CDK14: variants seen among roughly 807,000 people sequenced by gnomAD.
CDK14 encodes the protein cyclin dependent kinase 14.
In CDK14, 34 loss-of-function variants were observed where a neutral mutation model predicts 60.7. That is an observed-to-expected ratio of 0.56 (90% CI 0.43 to 0.75). The LOEUF is 0.75. CDK14 is among the 30% of genes least tolerant of loss of function. CDK14 has a pLI of 0.00. For missense variants in CDK14, 482 were observed against 564.1 expected (o/e 0.85, Z 1.47); for synonymous variants, 197 against 203.7 (o/e 0.97, Z 0.28).
Position 91,091,115 on chromosome 7 carries a change from G to A in CDK14, c.1154+11635G>A, listed in dbSNP as rs181315133. 7.3e-4 allele frequency among the ~76,000 whole-genome samples: 110 copies of A among 151,186 alleles called. No homozygotes were observed. In the East Asian group the frequency reaches 0.016, roughly 22 times the overall value. On this transcript the variant is annotated intron_variant, in intron 12 of 14. Transcript: ENST00000380050. ...ATATTATTTTGAAAATGTTCTTGTC[G>A]CCAGGTGTGGTGGCTTAAGCCTGTA...
At chr7:90,690,939 A>C (rs1250227945) in intron 2 of CDK14, among the ~76,000 whole-genome samples, 1 of 152,152 alleles carries the variant, frequency 6.6e-6, no homozygotes, top group Non-Finnish European at 1.5e-5. Context: ...CAGAATAAAC[A>C]ATGATAAGTT....
intron 2 of CDK14, among the ~76,000 whole-genome samples, chr7:90,655,540 A>G (rs1563032786): frequency 6.6e-6 from 1 of 152,244 alleles, no homozygotes; most frequent in Non-Finnish European, 1.5e-5. Context: ...ATACTTAAGT[A>G]TGATCTGAGA....
chr7:90,691,603 T>C (rs915812872), intron 2 of CDK14, among the ~76,000 whole-genome samples: 1 of 152,072 alleles, frequency 6.6e-6, no homozygotes, highest in Non-Finnish European at 1.5e-5. Flanking sequence ...TGGGAAACCA[T>C]TGGAAGTTTT....
At chr7:91,093,530 C>G (rs1289608928) in intron 12 of CDK14, among the ~76,000 whole-genome samples, 1 of 152,108 alleles carries the variant, frequency 6.6e-6, no homozygotes, top group Non-Finnish European at 1.5e-5. Flanking sequence ...GATTCTGAAG[C>G]ATATCTATCA....
In CDK14 at chr7:90,997,565, G is replaced by A. The variant is rs1795719998; in HGVS notation, c.1041+13324G>A. On this transcript the variant is annotated intron_variant, in intron 10 of 14. Coordinates refer to ENST00000380050, the MANE Select transcript of CDK14 (RefSeq NM_001287135.2). Reference sequence around the variant, plus strand: ...AGATAACATTTAACATTCAGATGCAGAGTTCATTTCCTTGAAGCTCAAGAG... The same window carrying A: ...AGATAACATTTAACATTCAGATGCAAAGTTCATTTCCTTGAAGCTCAAGAG... 2.0e-5 allele frequency among the ~76,000 whole-genome samples: 3 copies of A among 152,224 alleles called. No individual in the cohort carries two copies. In the South Asian group the frequency reaches 6.2e-4, roughly 32 times the overall value.
chr7:90,677,166 C>T (rs1230306268), intron 2 of CDK14, among the ~76,000 whole-genome samples: 1 of 152,094 alleles, frequency 6.6e-6, no homozygotes, highest in Non-Finnish European at 1.5e-5. Flanking sequence ...ATTACAAGTG[C>T]TTAGACAAAT....
rs181092716 is a variant in CDK14, at chr7:91,081,982, T to C, written c.1154+2502T>C. On this transcript the variant is annotated intron_variant, in intron 12 of 14. Transcript: ENST00000380050. ...GGCTCTTCCTCCATAAAGGGGATTG[T>C]GGATTAAAGGGAGACAAATCTTAAT... Among the ~76,000 whole-genome samples the C allele has an allele frequency of 2.6e-4, 39 of 152,308 alleles. No homozygotes were observed. In the East Asian group the frequency reaches 6.2e-3, roughly 24 times the overall value.
chr7:91,037,778 C>G (rs983651878), intron 10 of CDK14, among the ~76,000 whole-genome samples: 1 of 152,184 alleles, frequency 6.6e-6, no homozygotes, highest in Non-Finnish European at 1.5e-5. Context: ...GCTGGAAGAG[C>G]AAAGGTTACT....
At chr7:91,129,198 T>C (rs924940986) in intron 14 of CDK14, among the ~76,000 whole-genome samples, 18 of 152,204 alleles carry the variant, frequency 1.2e-4, no homozygotes, top group African/African-American at 4.3e-4. Context: ...CTTTGCCATT[T>C]ACACTGTGTT....
chr7:90,917,043 A>G (rs1793104036), intron 7 of CDK14, among the ~76,000 whole-genome samples: 1 of 152,218 alleles, frequency 6.6e-6, no homozygotes, highest in Non-Finnish European at 1.5e-5. Flanking sequence ...CAAAAGCAGT[A>G]TAATTATAAT....
intron 10 of CDK14, among the ~76,000 whole-genome samples, chr7:90,989,448 G>T (rs1795471848): frequency 2.0e-5 from 3 of 152,128 alleles, no homozygotes; most frequent in Non-Finnish European, 4.4e-5. Context: ...AGACATAAAA[G>T]AATTATGTGT....
intron 9 of CDK14, among the ~76,000 whole-genome samples, chr7:90,959,011 G>A (rs530832875): frequency 9.2e-5 from 14 of 152,166 alleles, no homozygotes; most frequent in Non-Finnish European, 1.5e-4. Flanking sequence ...GATTTCCAGC[G>A]TGTGCTACTT....
intron 2 of CDK14, among the ~76,000 whole-genome samples, chr7:90,608,365 G>A (rs899986928): frequency 2.6e-5 from 4 of 152,154 alleles, no homozygotes; most frequent in Non-Finnish European, 5.9e-5. Context: ...ATTACCACGC[G>A]TAAAACCTTT....
intron 14 of CDK14, among the ~76,000 whole-genome samples, chr7:91,176,607 T>A (rs1801767057): frequency 6.6e-6 from 1 of 151,778 alleles, no homozygotes; most frequent in Admixed American, 6.5e-5. Flanking sequence ...ATAGACACAA[T>A]AAAAAATGAT....
chr7:91,072,177 C>T (rs1302683206), intron 11 of CDK14, among the ~76,000 whole-genome samples: 1 of 152,162 alleles, frequency 6.6e-6, no homozygotes, highest in African/African-American at 2.4e-5. Flanking sequence ...CAAAGTGCTT[C>T]ATTAAATGGG....
intron 11 of CDK14, among the ~76,000 whole-genome samples, chr7:91,046,427 T>G (rs1417648410): frequency 1.3e-5 from 2 of 152,204 alleles, no homozygotes; most frequent in Non-Finnish European, 2.9e-5. Flanking sequence ...GAATGTTCTA[T>G]TGTACAGCAT....
At chr7:91,076,610 A>G (rs1798326921) in intron 11 of CDK14, among the ~76,000 whole-genome samples, 1 of 152,222 alleles carries the variant, frequency 6.6e-6, no homozygotes, top group Non-Finnish European at 1.5e-5. Context: ...CGTGACAAAA[A>G]TGCCAAAAGC....
intron 2 of CDK14, among the ~76,000 whole-genome samples, chr7:90,694,008 C>T (rs1032457930): frequency 6.6e-6 from 1 of 152,104 alleles, no homozygotes; most frequent in Non-Finnish European, 1.5e-5. Flanking sequence ...TTAGGTAGGT[C>T]ATGTAATTAA....
At chr7:90,769,237 G>A (rs1442344027) in intron 4 of CDK14, among the ~76,000 whole-genome samples, 2 of 152,132 alleles carry the variant, frequency 1.3e-5, no homozygotes, top group African/African-American at 2.4e-5. Flanking sequence ...TTCAGTTGGA[G>A]AAGAGTCATG....
Sources: allele counts gnomAD v4.1 joint callset (sites outside exome capture counted in the v4.1 genomes callset), GRCh38; gene constraint gnomAD v4.1.1; transcripts MANE v1.5; gene names NCBI Gene and HGNC (gene_info 2026-07-23, HGNC 2026-07-21).